IFIT1: variants seen among roughly 807,000 people sequenced by gnomAD.
IFIT1 encodes interferon induced protein with tetratricopeptide repeats 1, also known as antiviral innate immune response effector IFIT1.
A neutral mutation model predicts 2.5 loss-of-function variants in IFIT1; 1 was observed. The ratio of observed to expected loss-of-function variants is 0.40; its 90% CI spans 0.14 to 1.92. The LOEUF (loss-of-function observed/expected upper bound fraction) is 1.92. IFIT1 is among the 40% of genes most tolerant of loss of function. The probability of loss-of-function intolerance (pLI) is 0.31; values close to 1 mark genes in which losing one functional copy is unlikely to be tolerated. For synonymous variants in IFIT1, 191 were observed against 201.7 expected (o/e 0.95, Z 0.45); for missense variants, 508 against 557.8 (o/e 0.91, Z 0.90).
chr10:89,398,540 G>T (rs564956133), intron 1 of IFIT1, among the ~76,000 whole-genome samples: 1 of 152,002 alleles, frequency 6.6e-6, no homozygotes, highest in Non-Finnish European at 1.5e-5. Flanking sequence ...GGACAGACCC[G>T]GCACCCTAGT....
chr10:89,393,039 G>T, intron 1 of IFIT1: 1 of 875,346 alleles, frequency 1.1e-6, no homozygotes, highest in South Asian at 1.7e-5. Context: ...TTTCCCATCA[G>T]ATTCACTTCT....
intron 1 of IFIT1, among the ~76,000 whole-genome samples, chr10:89,397,564 C>T (rs1368836109): frequency 6.6e-6 from 1 of 152,080 alleles, no homozygotes; most frequent in Non-Finnish European, 1.5e-5. Flanking sequence ...TTTATAGAGA[C>T]AGGGTCTTAC....
rs765564669 is a variant in IFIT1 at position 89,402,628 on chromosome 10, T to C, written c.353T>C (p.Leu118Pro). 1 of 1,614,226 alleles carries C rather than the reference T, an allele frequency of 6.2e-7. No homozygotes were observed. Among genetic ancestry groups the C allele is most frequent in the Admixed American group, 1.7e-5 (1 of 60,030 alleles). Residue 118 changes from leucine to proline, a missense_variant, in exon 2 of 2, where the codon CTG (leucine) becomes CCG (proline). Physicochemically the swap from Leu to Pro is moderately conservative, Grantham distance 98 (BLOSUM62 -3). Coordinates refer to ENST00000371804, the MANE Select transcript of IFIT1 (RefSeq NM_001548.5). ...AGACTGGCAGAAGCCCAGACTTACC[T>C]GGACAAGGTGGAGAACATTTGCAAG... ...MGRLAEAQTY[L>P]DKVENICKKL...
intron 1 of IFIT1, chr10:89,393,342 G>A: frequency 7.9e-7 from 1 of 1,260,322 alleles, no homozygotes; most frequent in Non-Finnish European, 1.0e-6. Flanking sequence ...TAGGCTCTTG[G>A]TACGTCCTTG....
Position 89,403,561 on chromosome 10 carries a change from A to G in IFIT1, c.1286A>G (p.Lys429Arg), listed in dbSNP as rs775189682. 8.7e-6 allele frequency: 14 copies of G among 1,613,968 alleles called. 1 individual carries two copies. The South Asian group carries it at 1.4e-4, about 16-fold the overall frequency. The change falls in exon 2 of 2, where the codon AAA becomes AGA. Residue 429 changes from lysine to arginine, a missense_variant. Physicochemically the swap from Lys to Arg is conservative, Grantham distance 26 (BLOSUM62 2). Coordinates refer to ENST00000371804, the MANE Select transcript of IFIT1 (RefSeq NM_001548.5). The stretch of plus-strand genomic sequence containing the variant: ...TCTTTGAAGAAATTGGTTTTAAGGA[A>G]ACTTCGGAGAAAGGCATTAGATCTG... ...INSLKKLVLR[K>R]LRRKALDLES...
chr10:89,397,742 G>T (rs1268461352), intron 1 of IFIT1, among the ~76,000 whole-genome samples: 1 of 151,994 alleles, frequency 6.6e-6, no homozygotes, highest in African/African-American at 2.4e-5. Context: ...TATTCACATA[G>T]ATTTCCAGTG....
In IFIT1 at chr10:89,405,503, A is replaced by G. The variant is rs1844515604; in HGVS notation, c.*1791A>G. The G allele has an allele frequency of 6.6e-6, 1 of 152,236 alleles. No homozygotes were observed. The highest frequency in any genetic ancestry group is 1.5e-5 in the Non-Finnish European group (1 of 68,044). 9.4% of individuals were successfully genotyped at this position (152,236 alleles called of 1,614,324 possible). A position where few individuals can be genotyped will look rare whatever the true frequency, so the allele number is the denominator to read the frequency against. ...CACAAACTTGGTGACTTAAAATTTC[A>G]CAGATTTACTCTTTCTTACAGTTCT... is the stretch of plus-strand genomic sequence containing the variant. On this transcript the variant is annotated 3_prime_UTR_variant, in exon 2 of 2. Coordinates refer to ENST00000371804, the MANE Select transcript of IFIT1 (RefSeq NM_001548.5).
Position 89,403,529 on chromosome 10 carries a change from T to C in IFIT1, c.1254T>C (p.Ser418=), listed in dbSNP as rs1286463890. 6.2e-7 allele frequency: 1 copy of C among 1,613,864 alleles called. No homozygotes were observed. The highest frequency in any genetic ancestry group is 8.5e-7 in the Non-Finnish European group (1 of 1,179,882). The change falls in exon 2 of 2, where the codon AGT becomes AGC. Residue 418 remains serine (S), a synonymous_variant. Coordinates refer to ENST00000371804, the MANE Select transcript of IFIT1 (RefSeq NM_001548.5). ...AGGCATCATTAACAAGGGATAAAAG[T>C]ATCAATTCTTTGAAGAAATTGGTTT... ...IEQASLTRDK[S]INSLKKLVLR...
intron 1 of IFIT1, among the ~76,000 whole-genome samples, chr10:89,398,026 T>C (rs1454790932): frequency 1.3e-5 from 2 of 152,236 alleles, no homozygotes; most frequent in Non-Finnish European, 2.9e-5. Flanking sequence ...CAGAAATTTT[T>C]CATCTTCCTA....
intron 1 of IFIT1, among the ~76,000 whole-genome samples, chr10:89,402,004 C>G (rs919672965): frequency 6.6e-6 from 1 of 152,052 alleles, no homozygotes; most frequent in Non-Finnish European, 1.5e-5. Flanking sequence ...TAATCCTCAC[C>G]AAACCCAGTG....
Position 89,402,614 on chromosome 10 carries a change from A to G in IFIT1, c.339A>G (p.Glu113=), listed in dbSNP as rs1428364127. The G allele has an allele frequency of 5.0e-6, 8 of 1,614,100 alleles. No individual in the cohort carries two copies. Among genetic ancestry groups the G allele is most frequent in the Non-Finnish European group, 6.8e-6 (8 of 1,180,040 alleles). Residue 113 remains glutamate, a synonymous_variant, in exon 2 of 2, where the codon GAA becomes GAG. Transcript: ENST00000371804. ...WMYYHMGRLA[E]AQTYLDKVEN... is the part of the protein sequence containing the mutation. ...ATTACCACATGGGCAGACTGGCAGA[A>G]GCCCAGACTTACCTGGACAAGGTGG...
At position 89,403,373 on chromosome 10, in the gene IFIT1, G is replaced by A. The variant is rs887726289; in HGVS notation, c.1098G>A (p.Leu366=). The part of the protein sequence containing the change: ...HRKAEENFQK[L]LCMKPVVEET... ...AAGCTGAAGAGAATTTTCAAAAATTGTTATGCATGAAACCAGTGGTAGAAG... is the reference window on the plus strand; with the variant it reads ...AAGCTGAAGAGAATTTTCAAAAATTATTATGCATGAAACCAGTGGTAGAAG... Residue 366 remains leucine (L), a synonymous_variant, in exon 2 of 2, where the codon TTG becomes TTA. Transcript: ENST00000371804. 4 of 1,613,370 alleles carry A rather than the reference G, an allele frequency of 2.5e-6. No individual in the cohort carries two copies. The highest frequency in any genetic ancestry group is 1.3e-5 in the African/African-American group (1 of 74,890).
chr10:89,395,232 A>G (rs919470186), intron 1 of IFIT1, among the ~76,000 whole-genome samples: 10 of 121,902 alleles, frequency 8.2e-5, no homozygotes, highest in Admixed American at 7.3e-4. Context: ...ACCACCTCTC[A>G]GTCACAGCAT....
At chr10:89,394,606 ATATATATATATATATATATAT>A (rs1844311965) in intron 1 of IFIT1, among the ~76,000 whole-genome samples, 2 of 35,202 alleles carry the variant, frequency 5.7e-5, no homozygotes, top group Non-Finnish European at 9.4e-5. Flanking sequence ...ATATATATAT[ATATATATATATATATATATAT>A]AAAACTTGAA....
In IFIT1 at chr10:89,402,282, A is replaced by G. The variant is rs759099907; in HGVS notation, c.7A>G (p.Thr3Ala). MS[T>A]NGDDHQVKDS... ...GAAAATCTGTTTTTGTTTTTACAGT[A>G]CAAATGGTGATGATCATCAGGTCAA... Residue 3 changes from threonine to alanine, a missense_variant and splice_region_variant, in exon 2 of 2, where the codon ACA becomes GCA. By Grantham distance (58) the Thr-to-Ala change is moderately conservative (BLOSUM62 0). Transcript: ENST00000371804. 1 of 1,601,536 alleles carries G rather than the reference A, an allele frequency of 6.2e-7. No homozygotes were observed. Among genetic ancestry groups the G allele is most frequent in the Non-Finnish European group, 8.5e-7 (1 of 1,172,498 alleles).
At chr10:89,402,089 C>T (rs146368280) in intron 1 of IFIT1, among the ~76,000 whole-genome samples, 192 bp from the exon 2 acceptor site, 1 of 152,262 alleles carries the variant, frequency 6.6e-6, no homozygotes, top group East Asian at 1.9e-4. Flanking sequence ...CTGGAAATTG[C>T]TCTAGCCAGC....
chr10:89,401,658 A>G (rs557529788), intron 1 of IFIT1, among the ~76,000 whole-genome samples: 2 of 152,140 alleles, frequency 1.3e-5, no homozygotes, highest in Non-Finnish European at 2.9e-5. Flanking sequence ...TCAATTTTCT[A>G]GTTTTGAGCT....
At chr10:89,394,255 T>C (rs774506072) in intron 1 of IFIT1, among the ~76,000 whole-genome samples, 1 of 152,120 alleles carries the variant, frequency 6.6e-6, no homozygotes, top group Non-Finnish European at 1.5e-5. Context: ...TACAGCAAAA[T>C]TGTGGCATTA....
chr10:89,402,875 A>AT lies in IFIT1; in HGVS notation c.604dup (p.Ser202PhefsTer19), dbSNP rs773803377. The AT allele has an allele frequency of 6.2e-7, 1 of 1,614,166 alleles. No homozygotes were observed. The highest frequency in any genetic ancestry group is 8.5e-7 in the Non-Finnish European group (1 of 1,180,030). On this transcript the variant is annotated frameshift_variant, in exon 2 of 2. Coordinates refer to ENST00000371804, the MANE Select transcript of IFIT1 (RefSeq NM_001548.5). LOFTEE classifies it low-confidence loss of function (END_TRUNC). Reference sequence around the variant, plus strand: ...AATTAGCCACAAAAAATCACAAGCCATTTTCTTTGCTTCCCCTAAGGCAGG... The same window carrying AT: ...AATTAGCCACAAAAAATCACAAGCCATTTTTCTTTGCTTCCCCTAAGGCAGG...
Sources: allele counts gnomAD v4.1 joint callset (sites outside exome capture counted in the v4.1 genomes callset), GRCh38; gene constraint gnomAD v4.1.1; transcripts MANE v1.5; gene names NCBI Gene and HGNC (gene_info 2026-07-23, HGNC 2026-07-21).